The following NBEA variants were observed in gnomAD, a reference collection of about 807,000 sequenced individuals.
The protein encoded by NBEA is lysosomal-trafficking regulator 2.
Under a neutral mutation model 343.4 loss-of-function variants are expected in NBEA, and 44 were observed. The ratio of observed to expected loss-of-function variants is 0.13; its 90% CI spans 0.10 to 0.16. NBEA has a LOEUF of 0.16. NBEA is among the 10% of genes least tolerant of loss of function. The pLI, the probability that NBEA is intolerant of heterozygous loss-of-function variation, is 1.00. For synonymous variants in NBEA, 1,175 were observed against 1,238.7 expected (o/e 0.95, Z 1.08); for missense variants, 2,555 against 3,631.3 (o/e 0.70, Z 7.62).
intron 38 of NBEA, among the ~76,000 whole-genome samples, chr13:35,397,804 A>G (rs572529475): frequency 6.6e-5 from 10 of 152,318 alleles, no homozygotes; most frequent in Admixed American, 2.6e-4. Flanking sequence ...CTAAAATGTT[A>G]ATGATCATGT....
In NBEA at chr13:35,237,614, A is replaced by G. The variant is rs1255965326; in HGVS notation, c.5776+4995A>G. ...ATTTAAGAAATAGTGCTTATGATGA[A>G]TAAATCTCACTGCATTTCAATTTAC... On this transcript the variant is annotated intron_variant, in intron 34 of 58. Transcript: ENST00000379939. Among the ~76,000 whole-genome samples the G allele has an allele frequency of 7.9e-5, 12 of 152,324 alleles. No homozygotes were observed. In the East Asian group the frequency reaches 2.3e-3, roughly 29 times the overall value.
intron 31 of NBEA, among the ~76,000 whole-genome samples, chr13:35,198,013 T>C (rs891662763): frequency 1.3e-5 from 2 of 152,180 alleles, no homozygotes; most frequent in Non-Finnish European, 2.9e-5. Flanking sequence ...ATAGATAAAA[T>C]GTGTGGTGTC....
intron 38 of NBEA, among the ~76,000 whole-genome samples, chr13:35,355,366 A>G (rs2040433694): frequency 6.6e-6 from 1 of 152,054 alleles, no homozygotes; most frequent in Non-Finnish European, 1.5e-5. Flanking sequence ...AGAAACCTCC[A>G]CAGCTGTACT....
In NBEA at chr13:35,097,043, A is replaced by G. The variant is rs557917973; in HGVS notation, c.1572-1254A>G. On this transcript the variant is annotated intron_variant, in intron 10 of 58. Coordinates refer to ENST00000379939, the MANE Select transcript of NBEA (RefSeq NM_001385012.1). ...CTGTAATGAAGTACTTTATTTCTAG[A>G]TACTATATTTTGTCTAGCTGGTATG... 5.9e-5 allele frequency among the ~76,000 whole-genome samples: 9 copies of G among 151,958 alleles called. No individual in the cohort carries two copies. The East Asian group carries it at 1.5e-3, about 26-fold the overall frequency.
At chr13:35,274,021 C>T (rs1002331942) in intron 34 of NBEA, among the ~76,000 whole-genome samples, 5 of 152,112 alleles carry the variant, frequency 3.3e-5, no homozygotes, top group Non-Finnish European at 5.9e-5. Flanking sequence ...TTTATGAAGC[C>T]AGCATCAACC....
At chr13:35,266,310 A>G (rs1032518825) in intron 34 of NBEA, among the ~76,000 whole-genome samples, 3 of 151,898 alleles carry the variant, frequency 2.0e-5, no homozygotes, top group Admixed American at 2.0e-4. Flanking sequence ...CAGAACTACC[A>G]TATGATCTAG....
At chr13:35,571,991 AT>A (rs1309933251) in intron 45 of NBEA, among the ~76,000 whole-genome samples, 1 of 152,154 alleles carries the variant, frequency 6.6e-6, no homozygotes, top group African/African-American at 2.4e-5. Flanking sequence ...TAGACCTCTC[AT>A]TTGATTAGAC....
At chr13:35,659,652 C>G (rs533425858) in intron 55 of NBEA, among the ~76,000 whole-genome samples, 112 of 152,272 alleles carry the variant, frequency 7.4e-4, no homozygotes, top group African/African-American at 2.5e-3. Context: ...TATAGAGTCT[C>G]AGACCATAAA....
intron 41 of NBEA, among the ~76,000 whole-genome samples, chr13:35,487,949 A>G (rs568335055): frequency 6.6e-6 from 1 of 151,896 alleles, no homozygotes; most frequent in East Asian, 1.9e-4. Flanking sequence ...GGAGAATAAT[A>G]GCGAAACATG....
At chr13:35,022,567 A>G (rs1057361124) in intron 1 of NBEA, among the ~76,000 whole-genome samples, 12 of 152,150 alleles carry the variant, frequency 7.9e-5, no homozygotes, top group South Asian at 4.1e-4. Context: ...TCTGTTATTT[A>G]CTAAACAATT....
intron 44 of NBEA, 140 bp from the exon 45 acceptor site, chr13:35,566,765 A>G: frequency 5.7e-6 from 3 of 528,396 alleles, no homozygotes; most frequent in Admixed American, 3.3e-5. Flanking sequence ...CTTGAAATGC[A>G]TTGTTATCAG....
chr13:35,122,935 C>T (rs2066883546), intron 16 of NBEA, among the ~76,000 whole-genome samples: 1 of 152,140 alleles, frequency 6.6e-6, no homozygotes, highest in African/African-American at 2.4e-5. Flanking sequence ...AGACCTCATT[C>T]CAAATTCTCA....
chr13:35,111,797 A>G (rs1290022963), intron 13 of NBEA, among the ~76,000 whole-genome samples: 3 of 151,874 alleles, frequency 2.0e-5, no homozygotes, highest in African/African-American at 2.4e-5. Context: ...CAGGAATGTC[A>G]TATTATTTTA....
At chr13:34,989,264 A>G (rs1189927079) in intron 1 of NBEA, among the ~76,000 whole-genome samples, 1 of 151,028 alleles carries the variant, frequency 6.6e-6, no homozygotes, top group African/African-American at 2.4e-5. Context: ...ATCTACACAT[A>G]TATACCCAAT....
intron 6 of NBEA, among the ~76,000 whole-genome samples, chr13:35,052,451 A>T (rs940220325): frequency 6.6e-6 from 1 of 152,072 alleles, no homozygotes; most frequent in East Asian, 1.9e-4. Flanking sequence ...ATTTATTTTC[A>T]TATCTTCAAT....
intron 38 of NBEA, among the ~76,000 whole-genome samples, chr13:35,373,690 G>C (rs1009737915): frequency 7.1e-6 from 1 of 140,312 alleles, no homozygotes; most frequent in South Asian, 2.3e-4. Context: ...GGGTGACAGA[G>C]GGAGACACTG....
chr13:35,548,486 T>C (rs939697832), intron 41 of NBEA, among the ~76,000 whole-genome samples: 2 of 152,158 alleles, frequency 1.3e-5, no homozygotes, highest in African/African-American at 2.4e-5. Flanking sequence ...GAAATATAGA[T>C]ACAGGTATCT....
intron 34 of NBEA, among the ~76,000 whole-genome samples, chr13:35,273,586 G>A (rs1478768912): frequency 6.6e-6 from 1 of 151,940 alleles, no homozygotes; most frequent in Non-Finnish European, 1.5e-5. Context: ...CTGGTTTTTT[G>A]AAAAGATCAA....
chr13:35,400,482 A>G (rs2042954696), intron 38 of NBEA, among the ~76,000 whole-genome samples: 1 of 152,046 alleles, frequency 6.6e-6, no homozygotes, highest in African/African-American at 2.4e-5. Context: ...AATATGTCCT[A>G]CTTTTTCTCA....
Sources: allele counts gnomAD v4.1 joint callset (sites outside exome capture counted in the v4.1 genomes callset), GRCh38; gene constraint gnomAD v4.1.1; transcripts MANE v1.5; gene names NCBI Gene and HGNC (gene_info 2026-07-23, HGNC 2026-07-21).